RWDD1: variants seen among roughly 807,000 people sequenced by gnomAD.
RWDD1 encodes RWD domain containing 1, also known as RWD domain-containing protein 1.
In RWDD1, 17 loss-of-function variants were observed where a neutral mutation model predicts 31.6. That is an observed-to-expected ratio of 0.54 (90% CI 0.37 to 0.81). RWDD1 has a LOEUF of 0.81. Among genes scored for constraint, RWDD1 ranks in the 30% least tolerant of loss-of-function variants. The pLI is 0.00. For missense variants in RWDD1, 204 were observed against 274.5 expected (o/e 0.74, Z 1.82); for synonymous variants, 78 against 94.2 (o/e 0.83, Z 0.99).
intron 5 of RWDD1, 132 bp downstream of exon 5, chr6:116,590,536 T>A: frequency 8.8e-7 from 1 of 1,142,066 alleles, no homozygotes; most frequent in East Asian, 2.6e-5. Context: ...AGAGAAAACA[T>A]ATCTACCAGA....
rs1230735720 is a variant in RWDD1, at chr6:116,592,842, TGTA to T, written c.611-135_611-133del. Reference sequence around the variant, plus strand: ...ACCAATGCAAATCACTGTTGATAACTGTAGTTTGGGATTTCATCACTCCTACCT... The same window carrying T: ...ACCAATGCAAATCACTGTTGATAACTGTTTGGGATTTCATCACTCCTACCT... On this transcript the variant is annotated intron_variant, in intron 6 of 6. Transcript: ENST00000466444. 4.8e-6 allele frequency: 4 copies of T among 834,004 alleles called. No homozygotes were observed. In the African/African-American group the frequency reaches 6.9e-5, roughly 14 times the overall value. 51.7% of individuals were successfully genotyped at this position (834,004 alleles called of 1,614,324 possible).
At chr6:116,587,011 G>A (rs1421028461) in intron 3 of RWDD1, among the ~76,000 whole-genome samples, 1 of 152,064 alleles carries the variant, frequency 6.6e-6, no homozygotes, top group Non-Finnish European at 1.5e-5. Flanking sequence ...TATGACTTCC[G>A]AGTTATCCAG....
chr6:116,590,138 T>C, intron 4 of RWDD1, 134 bp from the exon 5 acceptor site: 1 of 514,100 alleles, frequency 1.9e-6, no homozygotes, highest in South Asian at 3.8e-5. Context: ...TCAGTTTAAA[T>C]ATTTCAAAAA....
intron 2 of RWDD1, among the ~76,000 whole-genome samples, chr6:116,582,134 A>G (rs1424737774): frequency 6.6e-6 from 1 of 151,952 alleles, no homozygotes; most frequent in Non-Finnish European, 1.5e-5. Context: ...GATACTTAAA[A>G]TATACCAAAA....
At chr6:116,574,677 TCTCTTC>T (rs1562375137) in intron 1 of RWDD1, among the ~76,000 whole-genome samples, 17 of 151,742 alleles carry the variant, frequency 1.1e-4, no homozygotes, top group South Asian at 6.2e-4. Context: ...TCTCTCTCTC[TCTCTTC>T]CTTCCTTCCT....
In RWDD1 at chr6:116,597,002, C is replaced by A. The variant is rs1375793973; in HGVS notation, c.*3901C>A. 6 of 152,124 alleles carry A rather than the reference C, an allele frequency of 3.9e-5. No individual in the cohort carries two copies. In the East Asian group the frequency reaches 1.2e-3, roughly 29 times the overall value. 9.4% of individuals were successfully genotyped at this position (152,124 alleles called of 1,614,324 possible). On this transcript the variant is annotated 3_prime_UTR_variant, in exon 7 of 7. Coordinates refer to ENST00000466444, the MANE Select transcript of RWDD1 (RefSeq NM_015952.4). ...CTGCGATTTCAGTAAGGCCCATTCC[C>A]AACATGAGTGCTGCTGTCCACGGTA...
rs1775177936 is a variant in RWDD1 at position 116,593,060 on chromosome 6, G to A, written c.691G>A (p.Asp231Asn). 6 of 1,613,804 alleles carry A rather than the reference G, an allele frequency of 3.7e-6. No individual in the cohort carries two copies. Among genetic ancestry groups the A allele is most frequent in the African/African-American group, 1.3e-5 (1 of 74,898 alleles). The part of the protein sequence containing the change: ...LELEDDEDDP[D>N]YNPADPESDS... ...GCTGGAGGATGATGAAGATGATCCAGACTATAATCCTGCTGACCCAGAGAG... is the reference window on the plus strand; with the variant it reads ...GCTGGAGGATGATGAAGATGATCCAAACTATAATCCTGCTGACCCAGAGAG... Residue 231 changes from aspartate to asparagine, a missense_variant, in exon 7 of 7, where the codon GAC (aspartate) becomes AAC (asparagine). Asp to Asn is a conservative substitution (Grantham distance 23, BLOSUM62 1). Coordinates refer to ENST00000466444, the MANE Select transcript of RWDD1 (RefSeq NM_015952.4).
rs532946953 is a variant in RWDD1, at chr6:116,573,234, T to C, written c.73+1579T>C. Among the ~76,000 whole-genome samples, 29 of 152,344 alleles carry C rather than the reference T, an allele frequency of 1.9e-4. 1 individual carries two copies. The East Asian group carries it at 5.4e-3, about 28-fold the overall frequency. On this transcript the variant is annotated intron_variant, in intron 1 of 6. Transcript: ENST00000466444. ...CATATAAGCATTTATAAAACTGATA[T>C]CTTTTTTTGTTTTTAACCCTGAAAT...
intron 5 of RWDD1, 21 bp from the exon 6 acceptor site, chr6:116,590,866 CA>C: frequency 6.5e-7 from 1 of 1,535,626 alleles, no homozygotes; most frequent in South Asian, 1.2e-5. Flanking sequence ...TTGAATTAAA[CA>C]TACTTTTTTT....
rs1775251357 is a variant in RWDD1 at position 116,597,158 on chromosome 6, G to A, written c.*4057G>A. The stretch of plus-strand genomic sequence containing the variant: ...TTGCTGCAAAGGAGGTGAGGGGAGG[G>A]GAGAGATAGCAAGTGAGAAAAAGAG... On this transcript the variant is annotated 3_prime_UTR_variant, in exon 7 of 7. Coordinates refer to ENST00000466444, the MANE Select transcript of RWDD1 (RefSeq NM_015952.4). 1 of 152,050 alleles carries A rather than the reference G, an allele frequency of 6.6e-6. No homozygotes were observed. The highest frequency in any genetic ancestry group is 1.5e-5 in the Non-Finnish European group (1 of 68,018). 9.4% of individuals were successfully genotyped at this position (152,050 alleles called of 1,614,324 possible). A position where few individuals can be genotyped will look rare whatever the true frequency, so the allele number is the denominator to read the frequency against.
rs906483917 is a variant in RWDD1, at chr6:116,574,859, T to C, written c.73+3204T>C. Among the ~76,000 whole-genome samples, 11 of 143,516 alleles carry C rather than the reference T, an allele frequency of 7.7e-5. No homozygotes were observed. In the East Asian group the frequency reaches 2.0e-3, roughly 26 times the overall value. The allele number at this position is 143,516 out of a possible 152,430, so 94.2% of individuals were successfully genotyped here. A position where few individuals can be genotyped will look rare whatever the true frequency, so the allele number is the denominator to read the frequency against. On this transcript the variant is annotated intron_variant, in intron 1 of 6. Transcript: ENST00000466444. ...AATCAGCTCACTGGAACCATGGACC[T>C]CTTTACTCAAGTGATCTTCCCACCT...
intron 6 of RWDD1, 64 bp downstream of exon 6, chr6:116,591,014 A>C (rs1419823380): frequency 6.7e-7 from 1 of 1,494,250 alleles, no homozygotes; most frequent in African/African-American, 1.5e-5. Context: ...TAATCCCAGC[A>C]TTTTGGAAAG....
intron 3 of RWDD1, among the ~76,000 whole-genome samples, chr6:116,585,404 T>G (rs73553463): frequency 0.091 from 13,786 of 152,156 alleles, 720 homozygotes; most frequent in Admixed American, 0.17. Flanking sequence ...TTTTACTGGA[T>G]TAATTTTATT....
At chr6:116,588,164 G>A (rs1239174229) in intron 3 of RWDD1, among the ~76,000 whole-genome samples, 1 of 152,068 alleles carries the variant, frequency 6.6e-6, no homozygotes, top group African/African-American at 2.4e-5. Context: ...TACTCATAGA[G>A]GTCCCAGGAG....
intron 6 of RWDD1, among the ~76,000 whole-genome samples, chr6:116,592,016 A>C (rs987527119): frequency 2.0e-5 from 3 of 152,114 alleles, no homozygotes; most frequent in African/African-American, 7.2e-5. Context: ...TATTTCCCTA[A>C]ACCTCTTCCT....
intron 3 of RWDD1, 29 bp downstream of exon 3, chr6:116,584,886 A>G: frequency 6.5e-7 from 1 of 1,530,216 alleles, no homozygotes; most frequent in Non-Finnish European, 9.0e-7. Context: ...TATGTTTTGT[A>G]GCAGCATTTA....
At position 116,593,351 on chromosome 6, in the gene RWDD1, T is replaced by C; in HGVS notation, c.*250T>C. 3.5e-6 allele frequency: 1 copy of C among 286,876 alleles called. No individual in the cohort carries two copies. The highest frequency in any genetic ancestry group is 8.5e-5 in the South Asian group (1 of 11,812). The allele number at this position is 286,876 out of a possible 1,614,324, so 17.8% of individuals were successfully genotyped here. ...TAGTATTTGAGAGAGATCCTGCCTA[T>C]AGCACCAAGACTCGAAGGTAGGCTG... On this transcript the variant is annotated 3_prime_UTR_variant, in exon 7 of 7. Transcript: ENST00000466444.
At chr6:116,592,772 A>G (rs1186699200) in intron 6 of RWDD1, among the ~76,000 whole-genome samples, 1 of 152,138 alleles carries the variant, frequency 6.6e-6, no homozygotes, top group Admixed American at 6.5e-5. Context: ...TTAGACTATG[A>G]ACTAGGAACA....
intron 2 of RWDD1, among the ~76,000 whole-genome samples, chr6:116,581,648 A>C (rs1025232553): frequency 6.6e-6 from 1 of 152,116 alleles, no homozygotes; most frequent in Non-Finnish European, 1.5e-5. Flanking sequence ...GTAGTATTAA[A>C]AGAACGATCT....
Sources: allele counts gnomAD v4.1 joint callset (sites outside exome capture counted in the v4.1 genomes callset), GRCh38; gene constraint gnomAD v4.1.1; transcripts MANE v1.5; gene names NCBI Gene and HGNC (gene_info 2026-07-23, HGNC 2026-07-21).